Variants in FNIP1 observed in about 807,000 individuals in gnomAD.
FNIP1 encodes the protein folliculin-interacting protein 1.
A neutral mutation model predicts 124.5 loss-of-function variants in FNIP1; 40 were observed. The ratio of observed to expected loss-of-function variants is 0.32; its 90% CI spans 0.25 to 0.42. The LOEUF is 0.42. FNIP1 is among the 10% of genes least tolerant of loss of function. FNIP1 has a pLI of 1.00. For missense variants in FNIP1, 1,176 were observed against 1,403.7 expected (o/e 0.84, Z 2.59); for synonymous variants, 472 against 470.6 (o/e 1.00, Z -0.04).
At chr5:131,794,719 G>A (rs1772520808) in intron 1 of FNIP1, among the ~76,000 whole-genome samples, 1 of 152,190 alleles carries the variant, frequency 6.6e-6, no homozygotes, top group Non-Finnish European at 1.5e-5. Flanking sequence ...GATCCCTTGA[G>A]CCCAGGAGGT....
chr5:131,721,230 A>T (rs1280320312), intron 3 of FNIP1, among the ~76,000 whole-genome samples: 5 of 152,228 alleles, frequency 3.3e-5, no homozygotes, highest in Non-Finnish European at 7.3e-5. Flanking sequence ...CCAGTCACAA[A>T]GAGATAAATA....
At chr5:131,660,758 A>G (rs9327620) in intron 15 of FNIP1, among the ~76,000 whole-genome samples, 119,232 of 152,102 alleles carry the variant, frequency 0.78, 46,971 homozygotes, top group Middle Eastern at 0.83. Flanking sequence ...TTGGGGGCTC[A>G]TCTGGGATCA....
intron 11 of FNIP1, among the ~76,000 whole-genome samples, chr5:131,697,979 A>T (rs964719775): frequency 2.0e-5 from 3 of 151,306 alleles, no homozygotes; most frequent in Non-Finnish European, 4.4e-5. Flanking sequence ...AAAAAAAAAA[A>T]AAAAAAAAAA....
At chr5:131,784,538 A>G (rs1054631911) in intron 1 of FNIP1, among the ~76,000 whole-genome samples, 36 of 152,134 alleles carry the variant, frequency 2.4e-4, no homozygotes, top group African/African-American at 8.7e-4. Context: ...CTATAAAAGA[A>G]GGCTGGATGT....
intron 1 of FNIP1, among the ~76,000 whole-genome samples, chr5:131,780,043 A>T (rs943183370): frequency 1.4e-4 from 21 of 151,814 alleles, no homozygotes; most frequent in Non-Finnish European, 1.8e-4. Flanking sequence ...TCTAGCAAAA[A>T]AATAATAATA....
intron 6 of FNIP1, among the ~76,000 whole-genome samples, chr5:131,711,932 C>A (rs1326401435): frequency 6.6e-6 from 1 of 152,202 alleles, no homozygotes; most frequent in African/African-American, 2.4e-5. Context: ...TCCCTCGTTA[C>A]TTTAAAAATT....
intron 15 of FNIP1, among the ~76,000 whole-genome samples, chr5:131,668,362 G>C (rs1767660283): frequency 6.6e-6 from 1 of 152,144 alleles, no homozygotes; most frequent in Non-Finnish European, 1.5e-5. Context: ...ATTTTGAAAT[G>C]AATGAAACTG....
chr5:131,740,683 G>A (rs1006802789), intron 2 of FNIP1, among the ~76,000 whole-genome samples: 2 of 152,196 alleles, frequency 1.3e-5, no homozygotes, highest in Non-Finnish European at 2.9e-5. Context: ...CAGAGATGTT[G>A]AACCAGAGCA....
chr5:131,793,689 C>T (rs975384319), intron 1 of FNIP1, among the ~76,000 whole-genome samples: 5 of 152,112 alleles, frequency 3.3e-5, no homozygotes, highest in Admixed American at 1.3e-4. Context: ...GCTTCTTTAT[C>T]GGAAGTCTCT....
In FNIP1 at chr5:131,753,845, C is replaced by T. The variant is rs536008455; in HGVS notation, c.93-9155G>A. On this transcript the variant is annotated intron_variant, in intron 1 of 17. Coordinates refer to ENST00000510461, the MANE Select transcript of FNIP1 (RefSeq NM_133372.3). ...TTTTTTTTTTTTTGAGACAGAGTCTCGCTCTGTCACCAGGCTGGAGTGCGG... is the reference window on the plus strand; with the variant it reads ...TTTTTTTTTTTTTGAGACAGAGTCTTGCTCTGTCACCAGGCTGGAGTGCGG... 9.9e-4 allele frequency among the ~76,000 whole-genome samples: 148 copies of T among 150,228 alleles called. 1 individual carries two copies. Among genetic ancestry groups the T allele is most frequent in the Middle Eastern group, 6.8e-3 (2 of 292 alleles).
chr5:131,729,461 T>G (rs994434636), intron 3 of FNIP1, among the ~76,000 whole-genome samples: 1 of 152,176 alleles, frequency 6.6e-6, no homozygotes, highest in African/African-American at 2.4e-5. Flanking sequence ...AGTTCTAACT[T>G]CCCAGCAGCT....
chr5:131,738,719 T>C (rs1338050596), intron 2 of FNIP1, among the ~76,000 whole-genome samples: 1 of 151,962 alleles, frequency 6.6e-6, no homozygotes, highest in Non-Finnish European at 1.5e-5. Flanking sequence ...TTGGCCAGGC[T>C]GGTCTTGAAC....
chr5:131,677,509 C>A (rs1267886629), intron 13 of FNIP1, 194 bp downstream of exon 13: 2 of 490,354 alleles, frequency 4.1e-6, no homozygotes, highest in African/African-American at 3.8e-5. Flanking sequence ...TGCAGTTCTT[C>A]ATCTATAAGG....
intron 1 of FNIP1, among the ~76,000 whole-genome samples, chr5:131,761,734 A>G (rs996976465): frequency 1.3e-5 from 2 of 152,086 alleles, no homozygotes; most frequent in Non-Finnish European, 2.9e-5. Context: ...TACCAATGAC[A>G]TTCTTGACAG....
intron 15 of FNIP1, among the ~76,000 whole-genome samples, chr5:131,658,391 TG>T (rs1043538149): frequency 1.3e-5 from 2 of 152,126 alleles, no homozygotes; most frequent in Admixed American, 6.5e-5. Context: ...TCCTGGGGTA[TG>T]GGGCCAAGCT....
chr5:131,737,154 T>C (rs940363231), intron 2 of FNIP1, among the ~76,000 whole-genome samples: 1 of 152,218 alleles, frequency 6.6e-6, no homozygotes, highest in Non-Finnish European at 1.5e-5. Context: ...TTCCTACAAT[T>C]CCTGCTTATA....
intron 1 of FNIP1, among the ~76,000 whole-genome samples, chr5:131,752,805 C>G (rs750232602): frequency 6.6e-6 from 1 of 152,124 alleles, no homozygotes; most frequent in Admixed American, 6.5e-5. Flanking sequence ...CGGTGGCTCA[C>G]GCCTGTAATC....
chr5:131,769,887 A>G (rs1010159062), intron 1 of FNIP1, among the ~76,000 whole-genome samples: 2 of 152,206 alleles, frequency 1.3e-5, no homozygotes, highest in Non-Finnish European at 2.9e-5. Context: ...ATTCTGTTCA[A>G]CTAAGTGCTG....
intron 6 of FNIP1, among the ~76,000 whole-genome samples, chr5:131,714,275 T>C (rs1201155351): frequency 6.6e-6 from 1 of 152,216 alleles, no homozygotes; most frequent in African/African-American, 2.4e-5. Context: ...GTCAACATTC[T>C]ACCCCTCTCT....
Sources: gnomAD v4.1 joint callset for allele counts (sites outside exome capture counted in the v4.1 genomes callset) on GRCh38, gnomAD v4.1.1 for gene constraint, MANE v1.5 for transcripts, NCBI Gene and HGNC (gene_info 2026-07-23, HGNC 2026-07-21) for gene names.